The following HECTD4 variants were observed in gnomAD, a reference collection of about 807,000 sequenced individuals.
The protein encoded by HECTD4 is HECT domain E3 ubiquitin protein ligase 4, also known as probable E3 ubiquitin-protein ligase HECTD4.
A neutral mutation model predicts 471.5 loss-of-function variants in HECTD4; 114 were observed. The ratio of observed to expected loss-of-function variants is 0.24; its 90% CI spans 0.21 to 0.28. The LOEUF is 0.28. Ranked by LOEUF, HECTD4 falls within the 10% of genes least tolerant of loss-of-function variation. The pLI is 1.00. For missense variants in HECTD4, 3,866 were observed against 5,651.5 expected (o/e 0.68, Z 10.13); for synonymous variants, 2,012 against 2,256.0 (o/e 0.89, Z 3.07).
intron 60 of HECTD4, among the ~76,000 whole-genome samples, chr12:112,190,445 G>A (rs1409158097): frequency 6.6e-6 from 1 of 152,050 alleles, no homozygotes; most frequent in Non-Finnish European, 1.5e-5. Flanking sequence ...CTTTGATTTT[G>A]CAACATTGTT....
intron 1 of HECTD4, among the ~76,000 whole-genome samples, chr12:112,372,333 C>T (rs996220878): frequency 7.2e-5 from 11 of 152,066 alleles, no homozygotes; most frequent in African/African-American, 2.7e-4. Context: ...AATCTCGGCT[C>T]ACTGCAAGCT....
In HECTD4 at chr12:112,163,178, C is replaced by T; in HGVS notation, c.12984G>A (p.Glu4328=). The change falls in exon 75 of 76, where the codon GAG becomes GAA. Residue 4328 remains glutamate, a synonymous_variant. Coordinates refer to ENST00000682272, the MANE Select transcript of HECTD4 (RefSeq NM_001388303.1). The surrounding 1 kb of genome is among the most constrained non-coding windows in gnomAD (Gnocchi z 8.2). ...FWGALEMFTQ[E]ELCKFIKFAC... is the part of the protein sequence containing the mutation. Reference sequence around the variant, plus strand: ...CAAACTTGATGAACTTGCACAGCTCCTCCTGGGTGAACATCTCCAGGGCCC... The same window carrying T: ...CAAACTTGATGAACTTGCACAGCTCTTCCTGGGTGAACATCTCCAGGGCCC... The T allele has an allele frequency of 6.2e-7, 1 of 1,613,992 alleles. No individual in the cohort carries two copies. Among genetic ancestry groups the T allele is most frequent in the Admixed American group, 1.7e-5 (1 of 60,026 alleles).
rs920075025 is a variant in HECTD4, at chr12:112,316,326, A to G, written c.696-1780T>C. On this transcript the variant is annotated intron_variant, in intron 2 of 75. Coordinates refer to ENST00000682272, the MANE Select transcript of HECTD4 (RefSeq NM_001388303.1). ...AGGCCTTCCCTGGCATCTCCAGCTA[A>G]TGCTGCTCTCCACCTCCACAGTCAT... Among the ~76,000 whole-genome samples the G allele has an allele frequency of 2.0e-5, 3 of 152,132 alleles. No individual in the cohort carries two copies. The East Asian group carries it at 5.8e-4, about 29-fold the overall frequency.
intron 44 of HECTD4, among the ~76,000 whole-genome samples, chr12:112,225,251 C>T (rs541396742): frequency 7.2e-6 from 1 of 137,972 alleles, no homozygotes; most frequent in South Asian, 2.3e-4. Context: ...ACAAAAACTA[C>T]AAACAGAAAA....
chr12:112,318,515 A>T (rs1321688369), intron 2 of HECTD4, among the ~76,000 whole-genome samples: 1 of 152,048 alleles, frequency 6.6e-6, no homozygotes, highest in Non-Finnish European at 1.5e-5. Context: ...CTGGGATTAC[A>T]GGCACCCACC....
intron 1 of HECTD4, among the ~76,000 whole-genome samples, chr12:112,342,813 C>T (rs2135728009): frequency 6.6e-6 from 1 of 152,306 alleles, no homozygotes; most frequent in East Asian, 1.9e-4. Context: ...CACAAGACAT[C>T]TAAAGTTCAA....
chr12:112,341,560 T>G (rs1017543720), intron 1 of HECTD4, among the ~76,000 whole-genome samples: 5 of 152,164 alleles, frequency 3.3e-5, no homozygotes, highest in African/African-American at 1.2e-4. Flanking sequence ...CCTGACTAAT[T>G]AAAACTCCCT....
intron 1 of HECTD4, among the ~76,000 whole-genome samples, chr12:112,343,410 T>C (rs2036087574): frequency 6.6e-6 from 1 of 152,196 alleles, no homozygotes; most frequent in African/African-American, 2.4e-5. Context: ...TACAAAGCAG[T>C]AATATGCACT....
intron 41 of HECTD4, among the ~76,000 whole-genome samples, chr12:112,229,324 C>T (rs1365327654): frequency 6.8e-6 from 1 of 147,788 alleles, no homozygotes; most frequent in Non-Finnish European, 1.5e-5. Context: ...AAGACTCTGT[C>T]TCAAAACAAA....
intron 44 of HECTD4, among the ~76,000 whole-genome samples, chr12:112,223,669 C>A (rs1433727348): frequency 6.6e-6 from 1 of 152,222 alleles, no homozygotes; most frequent in Non-Finnish European, 1.5e-5. Flanking sequence ...ATCTGCCCAC[C>A]TTGGCCTCCC....
In HECTD4 at chr12:112,192,577, C is replaced by A; in HGVS notation, c.9275G>T (p.Arg3092Met). The change falls in exon 59 of 76, where the codon AGG becomes ATG. Residue 3092 changes from arginine (R) to methionine (M), a missense_variant. Physicochemically the swap from Arg to Met is moderately conservative, Grantham distance 91 (BLOSUM62 -1). Around this residue, in one of 16 missense-constraint regions of HECTD4, gnomAD observed 364 missense variants for 413.2 expected, o/e 0.88. Transcript: ENST00000682272. The part of the protein sequence containing the change: ...QYPSVVLSTD[R>M]VHIKLGVSPP... ...AGACTCACCCAGTTTGATGTGGACC[C>A]TGTCTGTGGAGAGGACCACAGAGGG... 1 of 1,584,416 alleles carries A rather than the reference C, an allele frequency of 6.3e-7. No homozygotes were observed. Among genetic ancestry groups the A allele is most frequent in the Non-Finnish European group, 8.6e-7 (1 of 1,162,852 alleles).
chr12:112,348,523 C>G (rs987600609), intron 1 of HECTD4, among the ~76,000 whole-genome samples: 2 of 152,046 alleles, frequency 1.3e-5, no homozygotes, highest in South Asian at 4.2e-4. Flanking sequence ...CTTTAGAGGT[C>G]GAGGCAGATG....
chr12:112,256,596 A>T, intron 20 of HECTD4, 78 bp from the exon 21 acceptor site: 11 of 993,574 alleles, frequency 1.1e-5, no homozygotes, highest in Non-Finnish European at 1.5e-5. Flanking sequence ...ATTGCTCTTT[A>T]ATTTTCCACA....
Position 112,264,174 on chromosome 12 carries a change from C to G in HECTD4, c.2658G>C (p.Gln886His). 6.2e-7 allele frequency: 1 copy of G among 1,605,860 alleles called. No homozygotes were observed. The highest frequency in any genetic ancestry group is 8.5e-7 in the Non-Finnish European group (1 of 1,175,976). Residue 886 changes from glutamine (Q) to histidine (H), a missense_variant, in exon 17 of 76, where the codon CAG becomes CAC. Physicochemically the swap from Gln to His is conservative, Grantham distance 24. This residue lies in a region of HECTD4 where 525 missense variants were observed against 672.6 expected (regional missense o/e 0.78). Transcript: ENST00000682272. ...SSCLRYLMAV[Q>H]NHLLSNTILI... is the part of the protein sequence containing the mutation. Reference sequence around the variant, plus strand: ...AAATAGTGTTACTGAGAAGGTGATTCTGAACTGCCATCAGATAGCGCAGGC... The same window carrying G: ...AAATAGTGTTACTGAGAAGGTGATTGTGAACTGCCATCAGATAGCGCAGGC...
chr12:112,261,688 T>C (rs1230354412), intron 17 of HECTD4: 3 of 303,388 alleles, frequency 9.9e-6, no homozygotes, highest in South Asian at 1.2e-4. Context: ...GGGATCACAC[T>C]GAGTCCCTAG....
intron 1 of HECTD4, among the ~76,000 whole-genome samples, chr12:112,332,069 C>T (rs2035854490): frequency 6.6e-6 from 1 of 152,032 alleles, no homozygotes; most frequent in African/African-American, 2.4e-5. Context: ...GAAGGGGGAG[C>T]TGTCTTCCTA....
intron 1 of HECTD4, among the ~76,000 whole-genome samples, chr12:112,365,775 T>G (rs1438628609): frequency 6.4e-5 from 9 of 139,592 alleles, no homozygotes; most frequent in African/African-American, 1.5e-4. Flanking sequence ...TTTTTTTGTT[T>G]TTTTTTTTTT....
rs987436147 is a variant in HECTD4 at position 112,381,610 on chromosome 12, G to T, written c.177+342C>A. Among the ~76,000 whole-genome samples the T allele has an allele frequency of 6.6e-6, 1 of 152,210 alleles. No individual in the cohort carries two copies. Among genetic ancestry groups the T allele is most frequent in the African/African-American group, 2.4e-5 (1 of 41,468 alleles). On this transcript the variant is annotated intron_variant, in intron 1 of 75. Coordinates refer to ENST00000682272, the MANE Select transcript of HECTD4 (RefSeq NM_001388303.1). The surrounding 1 kb of genome is among the most constrained non-coding windows in gnomAD (Gnocchi z 4.1). Reference sequence around the variant, plus strand: ...GAAGTGGGTCCTGGGGGCCCGTGGGGGAGGGGAGGGAGGGCCCGGGTGGTG... The same window carrying T: ...GAAGTGGGTCCTGGGGGCCCGTGGGTGAGGGGAGGGAGGGCCCGGGTGGTG...
chr12:112,334,375 A>G (rs2035900989), intron 1 of HECTD4, among the ~76,000 whole-genome samples: 1 of 151,624 alleles, frequency 6.6e-6, no homozygotes, highest in African/African-American at 2.4e-5. Flanking sequence ...TAAGGACATG[A>G]ATAGACAATT....
Sources: gnomAD v4.1 joint callset for allele counts (sites outside exome capture counted in the v4.1 genomes callset) on GRCh38, gnomAD v4.1.1 for gene constraint, gnomAD v4.1.1 regional missense constraint, Gnocchi (gnomAD v3.1) non-coding constraint, MANE v1.5 for transcripts, NCBI Gene and HGNC (gene_info 2026-07-23, HGNC 2026-07-21) for gene names.